SHB: variants seen among roughly 807,000 people sequenced by gnomAD.
The protein encoded by SHB is SH2 domain-containing adapter protein B.
SHB carries 20 observed loss-of-function variants against 52.3 expected under a neutral mutation model. That is an observed-to-expected ratio of 0.38 (90% CI 0.27 to 0.56). The LOEUF (loss-of-function observed/expected upper bound fraction) is 0.56. Ranked by LOEUF, SHB falls within the 20% of genes least tolerant of loss-of-function variation. The probability of loss-of-function intolerance (pLI) is 0.71; values close to 1 mark genes in which losing one functional copy is unlikely to be tolerated. For missense variants in SHB, 825 were observed against 723.3 expected, an observed-to-expected ratio of 1.14 and a Z score of -1.61; for synonymous variants, 397 against 316.5, an observed-to-expected ratio of 1.25 and a Z score of -2.70.
At chr9:37,921,036 C>T (rs1381844798) in intron 5 of SHB, among the ~76,000 whole-genome samples, 1 of 152,186 alleles carries the variant, frequency 6.6e-6, no homozygotes, top group Non-Finnish European at 1.5e-5. Flanking sequence ...ACCAGGGCTG[C>T]AGCCACACTG....
chr9:37,945,383 C>T (rs1832480385), intron 5 of SHB, among the ~76,000 whole-genome samples: 1 of 152,220 alleles, frequency 6.6e-6, no homozygotes, highest in Non-Finnish European at 1.5e-5. Context: ...CATTCCAGGG[C>T]ATTGCTCCCC....
rs765154732 is a variant in SHB, at chr9:38,068,513, G to T, written c.133C>A (p.Pro45Thr). The change falls in exon 1 of 6, where the codon CCG becomes ACG. Residue 45 changes from proline (P) to threonine (T), a missense_variant. By Grantham distance (38) the Pro-to-Thr change is conservative. Transcript: ENST00000377707. Reference sequence around the variant, plus strand: ...GCCGAGGCGGCGGAGGAGGCCTGCGGCACGGCCTGGGGGGGCTGCGAAGGC... The same window carrying T: ...GCCGAGGCGGCGGAGGAGGCCTGCGTCACGGCCTGGGGGGGCTGCGAAGGC... ...ERPSQPPQAV[P>T]QASSAASASC... The T allele has an allele frequency of 6.1e-6, 9 of 1,482,844 alleles. No homozygotes were observed. The highest frequency in any genetic ancestry group is 8.0e-6 in the Non-Finnish European group (9 of 1,123,946). 91.9% of individuals were successfully genotyped at this position (1,482,844 alleles called of 1,614,324 possible).
intron 1 of SHB, among the ~76,000 whole-genome samples, chr9:38,065,337 C>T (rs1035291811): frequency 6.6e-6 from 1 of 152,186 alleles, no homozygotes; most frequent in African/African-American, 2.4e-5. Context: ...TCCAGAGTCT[C>T]TGCATCCCAA....
Position 38,040,348 on chromosome 9 carries a change from C to T in SHB, c.718-24217G>A, listed in dbSNP as rs73439919. Among the ~76,000 whole-genome samples, 827 of 152,320 alleles carry T rather than the reference C, an allele frequency of 5.4e-3. 8 individuals are homozygous for T. Among genetic ancestry groups the T allele is most frequent in the African/African-American group, 0.019 (778 of 41,574 alleles). ...GCTGAGGGCTGTCGTGAGGAGGAAACCAGACCACGGTGGGAAGCTGCCACA... is the reference window on the plus strand; with the variant it reads ...GCTGAGGGCTGTCGTGAGGAGGAAATCAGACCACGGTGGGAAGCTGCCACA... On this transcript the variant is annotated intron_variant, in intron 1 of 5. Transcript: ENST00000377707.
At chr9:37,920,060 C>T in intron 5 of SHB, 56 bp from the exon 6 acceptor site, 2 of 1,375,248 alleles carry the variant, frequency 1.5e-6, no homozygotes, top group South Asian at 2.4e-5. Flanking sequence ...AGGCTGAGGC[C>T]AAGGGTCTCC....
chr9:37,942,560 G>A (rs949879844), intron 5 of SHB, among the ~76,000 whole-genome samples: 10 of 152,210 alleles, frequency 6.6e-5, no homozygotes, highest in African/African-American at 2.4e-4. Context: ...GAAGGCTCTG[G>A]AAAAGCTGGG....
chr9:37,952,319 A>G lies in SHB; in HGVS notation c.1226+3564T>C, dbSNP rs1237964811. On this transcript the variant is annotated intron_variant, in intron 4 of 5. Transcript: ENST00000377707. ...GGCCTGAGAACATGAGAAGGAGCCA[A>G]TCGTGAAGAGCCAAAGAAAACATCT... is the stretch of plus-strand genomic sequence containing the variant. Among the ~76,000 whole-genome samples, 3 of 152,194 alleles carry G rather than the reference A, an allele frequency of 2.0e-5. No individual in the cohort carries two copies. In the East Asian group the frequency reaches 5.8e-4, roughly 29 times the overall value.
chr9:38,059,581 G>C (rs1189734141), intron 1 of SHB, among the ~76,000 whole-genome samples: 1 of 152,186 alleles, frequency 6.6e-6, no homozygotes, highest in Non-Finnish European at 1.5e-5. Context: ...TACCAAACAG[G>C]AAGAGAAGGA....
intron 3 of SHB, among the ~76,000 whole-genome samples, chr9:37,962,957 TTAG>T (rs1832709938): frequency 1.3e-5 from 2 of 152,074 alleles, no homozygotes; most frequent in African/African-American, 4.8e-5. Context: ...CCCGGTATGG[TTAG>T]GTAAGTTGCC....
chr9:37,939,964 T>A (rs1832417015), intron 5 of SHB, among the ~76,000 whole-genome samples: 1 of 152,150 alleles, frequency 6.6e-6, no homozygotes, highest in Non-Finnish European at 1.5e-5. Flanking sequence ...CGGGGCAGGA[T>A]TTACACTTGC....
chr9:37,987,293 G>C (rs960648560), intron 2 of SHB, among the ~76,000 whole-genome samples: 3 of 152,198 alleles, frequency 2.0e-5, no homozygotes, highest in African/African-American at 7.2e-5. Context: ...ATGCCATCCA[G>C]CTTCTCGTTT....
At chr9:38,011,949 C>T (rs1821147190) in intron 2 of SHB, among the ~76,000 whole-genome samples, 1 of 152,138 alleles carries the variant, frequency 6.6e-6, no homozygotes, top group Non-Finnish European at 1.5e-5. Context: ...GACAATTGGG[C>T]TCGGAGGTTT....
chr9:38,027,633 G>A (rs1821361063), intron 1 of SHB, among the ~76,000 whole-genome samples: 1 of 150,574 alleles, frequency 6.6e-6, no homozygotes, highest in Non-Finnish European at 1.5e-5. Context: ...GCAACTAGAT[G>A]GAGCATGATC....
At chr9:38,011,869 G>C (rs1425527288) in intron 2 of SHB, among the ~76,000 whole-genome samples, 1 of 152,202 alleles carries the variant, frequency 6.6e-6, no homozygotes, top group African/African-American at 2.4e-5. Context: ...TAGAGCTGTA[G>C]GGTTTAAGGA....
At chr9:37,958,709 C>T (rs1832662023) in intron 3 of SHB, among the ~76,000 whole-genome samples, 1 of 152,118 alleles carries the variant, frequency 6.6e-6, no homozygotes, top group Non-Finnish European at 1.5e-5. Flanking sequence ...GTGATAGTGG[C>T]CTAAAACCTG....
At chr9:37,986,694 G>A (rs1367610773) in intron 2 of SHB, among the ~76,000 whole-genome samples, 1 of 152,208 alleles carries the variant, frequency 6.6e-6, no homozygotes, top group Non-Finnish European at 1.5e-5. Flanking sequence ...ATGTGGAAAT[G>A]CTGGCATATC....
chr9:37,990,639 T>C (rs1331051094), intron 2 of SHB, among the ~76,000 whole-genome samples: 2 of 152,244 alleles, frequency 1.3e-5, no homozygotes, highest in Non-Finnish European at 2.9e-5. Context: ...TCCTGTGGCC[T>C]AAAGTTCCAC....
intron 1 of SHB, among the ~76,000 whole-genome samples, chr9:38,050,143 C>T (rs1821720923): frequency 6.6e-6 from 1 of 152,182 alleles, no homozygotes; most frequent in South Asian, 2.1e-4. Flanking sequence ...GCTATGGTCC[C>T]CAAGTCTCAC....
chr9:38,062,188 T>C (rs1821903285), intron 1 of SHB, among the ~76,000 whole-genome samples: 1 of 152,076 alleles, frequency 6.6e-6, no homozygotes, highest in Admixed American at 6.6e-5. Context: ...CCACGGAAAA[T>C]AGAGGAAGCA....
Sources: allele counts gnomAD v4.1 joint callset (sites outside exome capture counted in the v4.1 genomes callset), GRCh38; gene constraint gnomAD v4.1.1; transcripts MANE v1.5; gene names NCBI Gene and HGNC (gene_info 2026-07-23, HGNC 2026-07-21).